The following MESP1 variants were observed in gnomAD, a reference collection of about 807,000 sequenced individuals.
MESP1 encodes the protein mesoderm posterior bHLH transcription factor 1.
In MESP1, 22 loss-of-function variants were observed where a neutral mutation model predicts 15.2. The observed-to-expected ratio is 1.45, with a 90% CI of 1.04 to 2.07. MESP1 has a LOEUF of 2.07. MESP1 is among the 30% of genes most tolerant of loss of function. The pLI is 0.00. For missense variants in MESP1, 484 were observed against 411.9 expected (o/e 1.17, Z -1.51); for synonymous variants, 216 against 192.6 (o/e 1.12, Z -1.01).
chr15:89,740,066 T>C, the MESP1 span, among the ~76,000 whole-genome samples: 1 of 152,212 alleles, frequency 6.6e-6, no homozygotes, highest in African/African-American at 2.4e-5. Flanking sequence ...CAGGCTGTGT[T>C]CTGACCATTT....
At chr15:89,737,318 A>T in the MESP1 span, among the ~76,000 whole-genome samples, 3 of 152,246 alleles carry the variant, frequency 2.0e-5, no homozygotes, top group South Asian at 6.2e-4. Context: ...CTTGGAAGAG[A>T]GGCTGGGAAA....
chr15:89,738,329 C>T, the MESP1 span: 4 of 1,420,654 alleles, frequency 2.8e-6, no homozygotes, highest in Non-Finnish European at 3.8e-6. Context: ...ATCCTTTCAG[C>T]ATTGAAATTT....
At chr15:89,747,244 AAGTTCCTCG>A (rs1326026794), downstream of MESP1, among the ~76,000 whole-genome samples, 1 of 152,140 alleles carries the variant, frequency 6.6e-6, no homozygotes, top group East Asian at 1.9e-4. Flanking sequence ...GCCTTATGGA[AAGTTCCTCG>A]AGTTCCCTGT....
At chr15:89,737,535 C>T in the MESP1 span, 3 of 1,613,218 alleles carry the variant, frequency 1.9e-6, no homozygotes, top group Non-Finnish European at 2.5e-6. Flanking sequence ...GGGACAGAGT[C>T]CAGTAGAAGC....
chr15:89,738,558 C>T, the MESP1 span, among the ~76,000 whole-genome samples: 3 of 144,880 alleles, frequency 2.1e-5, no homozygotes, highest in Non-Finnish European at 4.5e-5. Context: ...ACCTGGGAGG[C>T]AGAGGTTGCA....
At chr15:89,736,692 G>A in the MESP1 span, among the ~76,000 whole-genome samples, 2 of 152,122 alleles carry the variant, frequency 1.3e-5, no homozygotes, top group Non-Finnish European at 2.9e-5. Flanking sequence ...CTGGGAGACA[G>A]ACGCAGGAGG....
intron 1 of MESP1, 57 bp downstream of exon 1, chr15:89,750,452 C>A: frequency 2.8e-6 from 4 of 1,434,532 alleles, no homozygotes; most frequent in Non-Finnish European, 3.7e-6. Context: ...CCTTGGCGGG[C>A]GGTGGGGCTG....
chr15:89,735,236 T>C, the MESP1 span, among the ~76,000 whole-genome samples: 2 of 152,222 alleles, frequency 1.3e-5, no homozygotes, highest in South Asian at 2.1e-4. Context: ...ACAAGAGCCA[T>C]ACATGTTGAT....
At chr15:89,743,286 C>T in the MESP1 span, 2 of 1,614,064 alleles carry the variant, frequency 1.2e-6, no homozygotes, top group Non-Finnish European at 1.7e-6. Flanking sequence ...GTTGTGTGGC[C>T]CTCAGCTATC....
chr15:89,741,675 G>A, the MESP1 span, among the ~76,000 whole-genome samples: 1 of 152,128 alleles, frequency 6.6e-6, no homozygotes, highest in Non-Finnish European at 1.5e-5. Context: ...GCTTGGTTCT[G>A]AGACAGTGAA....
At chr15:89,745,747 G>A (rs143104105), downstream of MESP1, among the ~76,000 whole-genome samples, 2 of 151,900 alleles carry the variant, frequency 1.3e-5, no homozygotes, top group South Asian at 2.1e-4. This position sits in a 1 kb window ranked among gnomAD's most constrained non-coding sequence, Gnocchi z 4.8. Flanking sequence ...CTGGGCGAAA[G>A]AGCGAGACTC....
the MESP1 span, chr15:89,743,648 T>C: frequency 3.9e-6 from 2 of 515,780 alleles, no homozygotes; most frequent in Non-Finnish European, 7.0e-6. Flanking sequence ...ACTCCCAAGT[T>C]GCTGTGGTAT....
downstream of MESP1, among the ~76,000 whole-genome samples, chr15:89,746,243 C>T (rs1967946686): frequency 6.6e-6 from 1 of 150,436 alleles, no homozygotes; most frequent in Admixed American, 6.6e-5. Flanking sequence ...CACACATCAT[C>T]CACATAGCAT....
chr15:89,735,506 G>T, the MESP1 span: 2 of 1,614,154 alleles, frequency 1.2e-6, no homozygotes, highest in South Asian at 1.1e-5. Context: ...AAAGCACCTG[G>T]ATAAAACCAT....
the MESP1 span, among the ~76,000 whole-genome samples, chr15:89,743,077 C>T: frequency 6.6e-6 from 1 of 152,358 alleles, no homozygotes; most frequent in African/African-American, 2.4e-5. Context: ...CCACATGCAC[C>T]TCACAGGTAA....
At chr15:89,750,315 C>T (rs1279611847) in intron 1 of MESP1, 88 bp from the exon 2 acceptor site, 3 of 1,576,816 alleles carry the variant, frequency 1.9e-6, no homozygotes, top group African/African-American at 1.3e-5. Context: ...CTCAGGGGGC[C>T]CCTAGCGAGG....
chr15:89,750,472 G>A (rs765814062), intron 1 of MESP1, 37 bp downstream of exon 1: 44 of 1,473,584 alleles, frequency 3.0e-5, no homozygotes, highest in Non-Finnish European at 3.8e-5. Flanking sequence ...GTGCGCGGGG[G>A]CACGGACGAA....
At chr15:89,736,178 C>G in the MESP1 span, among the ~76,000 whole-genome samples, 1 of 152,168 alleles carries the variant, frequency 6.6e-6, no homozygotes, top group African/African-American at 2.4e-5. Flanking sequence ...GATCTCAGTT[C>G]GGCGATGGAC....
chr15:89,747,097 C>CACAA, downstream of MESP1, among the ~76,000 whole-genome samples: 1 of 68,862 alleles, frequency 1.5e-5, no homozygotes, highest in African/African-American at 5.4e-5. Context: ...GCCCCACTGC[C>CACAA]ACATACACAC....
Sources: allele counts gnomAD v4.1 joint callset (sites outside exome capture counted in the v4.1 genomes callset), GRCh38; gene constraint gnomAD v4.1.1; non-coding constraint Gnocchi (gnomAD v3.1); transcripts MANE v1.5; gene names NCBI Gene and HGNC (gene_info 2026-07-23, HGNC 2026-07-21).